Variants in LHFPL3 observed in about 807,000 individuals in gnomAD.
The protein encoded by LHFPL3 is LHFPL tetraspan subfamily member 3 protein.
A neutral mutation model predicts 19.3 loss-of-function variants in LHFPL3; 5 were observed. That is an observed-to-expected ratio of 0.26 (90% CI 0.14 to 0.54). The LOEUF is 0.54. Among genes scored for constraint, LHFPL3 ranks in the 20% least tolerant of loss-of-function variants. LHFPL3 has a pLI of 0.94. For missense variants in LHFPL3, 249 were observed against 307.4 expected (o/e 0.81, Z 1.42); for synonymous variants, 133 against 126.2 (o/e 1.05, Z -0.36).
chr7:104,513,063 G>GA (rs1793851566), intron 1 of LHFPL3, among the ~76,000 whole-genome samples: 3 of 152,126 alleles, frequency 2.0e-5, no homozygotes, highest in African/African-American at 7.2e-5. Context: ...ATTCCCACAA[G>GA]ATGATAAAAA....
intron 1 of LHFPL3, among the ~76,000 whole-genome samples, chr7:104,366,912 A>C (rs967925394): frequency 6.6e-6 from 1 of 152,218 alleles, no homozygotes; most frequent in Non-Finnish European, 1.5e-5. Flanking sequence ...AAAATAAATC[A>C]AACAGCCAGC....
At chr7:104,696,631 A>G in intron 1 of LHFPL3, among the ~76,000 whole-genome samples, 1 of 152,178 alleles carries the variant, frequency 6.6e-6, no homozygotes, top group East Asian at 1.9e-4. Flanking sequence ...CCATTACTAA[A>G]GAAGAGAACC....
rs1283970835 is a variant in LHFPL3, at chr7:104,845,527, C to T, written c.683-60660C>T. 8 of 1,415,784 alleles carry T rather than the reference C, an allele frequency of 5.7e-6. No individual in the cohort carries two copies. The East Asian group carries it at 2.1e-4, about 37-fold the overall frequency. The allele number at this position is 1,415,784 out of a possible 1,614,324, so 87.7% of individuals were successfully genotyped here. On this transcript the variant is annotated intron_variant, in intron 2 of 2. Transcript: ENST00000424859. ...TCCGCTGTTTTCTGATTCCCGCTTT[C>T]AGCGCTTAGCACTTGAGCCGCATGA...
chr7:104,814,234 T>C (rs758439382), intron 2 of LHFPL3, among the ~76,000 whole-genome samples: 1 of 152,106 alleles, frequency 6.6e-6, no homozygotes, highest in Non-Finnish European at 1.5e-5. Context: ...AGCTCCTCTC[T>C]GCAGCTGGTT....
intron 2 of LHFPL3, among the ~76,000 whole-genome samples, chr7:104,879,051 G>C (rs1162105848): frequency 1.3e-5 from 2 of 152,194 alleles, no homozygotes; most frequent in Non-Finnish European, 1.5e-5. Flanking sequence ...GGAAGTTGTA[G>C]AAGGAAAGTT....
chr7:104,762,080 C>T (rs771925733), intron 2 of LHFPL3, among the ~76,000 whole-genome samples: 25 of 152,244 alleles, frequency 1.6e-4, no homozygotes, highest in Admixed American at 1.0e-3. Context: ...AAGCTCCCAG[C>T]GATGCCAGTG....
intron 1 of LHFPL3, among the ~76,000 whole-genome samples, chr7:104,455,283 G>A (rs1792517871): frequency 1.3e-5 from 2 of 152,272 alleles, no homozygotes; most frequent in South Asian, 4.2e-4. Flanking sequence ...GGTCTACAAC[G>A]TGCAAATTAG....
intron 2 of LHFPL3, among the ~76,000 whole-genome samples, chr7:104,858,960 TA>T (rs34510317): frequency 0.64 from 95,157 of 149,362 alleles, 30,518 homozygotes; most frequent in African/African-American, 0.73. Context: ...AAATTTTATT[TA>T]AAAAAAAAAA....
intron 1 of LHFPL3, among the ~76,000 whole-genome samples, chr7:104,716,348 A>G (rs1225747129): frequency 3.3e-5 from 5 of 152,150 alleles, no homozygotes; most frequent in Non-Finnish European, 4.4e-5. Flanking sequence ...TCTCCAAAAA[A>G]AAAAAGCCAT....
intron 1 of LHFPL3, among the ~76,000 whole-genome samples, chr7:104,395,046 G>T (rs1343258294): frequency 6.6e-6 from 1 of 151,842 alleles, no homozygotes; most frequent in Non-Finnish European, 1.5e-5. Context: ...GCTGTAACTT[G>T]TTCTTGCCCA....
chr7:104,741,372 C>T (rs1793933298), intron 2 of LHFPL3, among the ~76,000 whole-genome samples: 1 of 146,442 alleles, frequency 6.8e-6, no homozygotes, highest in Non-Finnish European at 1.5e-5. Flanking sequence ...AGTTTGAAGA[C>T]ACAACTGTTG....
intron 1 of LHFPL3, among the ~76,000 whole-genome samples, chr7:104,360,236 C>T (rs944561613): frequency 1.3e-5 from 2 of 152,200 alleles, no homozygotes; most frequent in African/African-American, 4.8e-5. Flanking sequence ...CTCCTCTTCT[C>T]TCCAAAAACA....
At chr7:104,548,320 A>G (rs1396667917) in intron 1 of LHFPL3, among the ~76,000 whole-genome samples, 1 of 152,234 alleles carries the variant, frequency 6.6e-6, no homozygotes, top group Non-Finnish European at 1.5e-5. Context: ...AGAGAAAAAA[A>G]GTAACAAATG....
At chr7:104,805,863 G>A (rs1383005251) in intron 2 of LHFPL3, among the ~76,000 whole-genome samples, 2 of 152,176 alleles carry the variant, frequency 1.3e-5, no homozygotes, top group Non-Finnish European at 2.9e-5. Context: ...GATTTACTAG[G>A]TTAACCCTAG....
chr7:104,619,826 C>A (rs901135942), intron 1 of LHFPL3, among the ~76,000 whole-genome samples: 1 of 152,026 alleles, frequency 6.6e-6, no homozygotes, highest in Non-Finnish European at 1.5e-5. Flanking sequence ...TCGTGGAAGA[C>A]AATTTAAGAC....
intron 2 of LHFPL3, among the ~76,000 whole-genome samples, chr7:104,869,129 G>T (rs1421085917): frequency 6.6e-6 from 1 of 152,108 alleles, no homozygotes; most frequent in Non-Finnish European, 1.5e-5. Context: ...AACCCTAGAA[G>T]AAAACCCTAG....
At chr7:104,488,535 C>G (rs925728864) in intron 1 of LHFPL3, among the ~76,000 whole-genome samples, 3 of 152,142 alleles carry the variant, frequency 2.0e-5, no homozygotes, top group Non-Finnish European at 4.4e-5. Flanking sequence ...ATCTGTCTCT[C>G]TCTCTCTCTC....
At chr7:104,637,462 A>G (rs1389061687) in intron 1 of LHFPL3, among the ~76,000 whole-genome samples, 1 of 152,144 alleles carries the variant, frequency 6.6e-6, no homozygotes, top group Non-Finnish European at 1.5e-5. Flanking sequence ...GCCAGTTCCT[A>G]TGTCCAGAAT....
At chr7:104,482,114 C>G (rs1006150878) in intron 1 of LHFPL3, among the ~76,000 whole-genome samples, 1 of 152,214 alleles carries the variant, frequency 6.6e-6, no homozygotes, top group African/African-American at 2.4e-5. Context: ...AAAAGCCCCA[C>G]TCCTTTTCCT....
Sources: allele counts gnomAD v4.1 joint callset (sites outside exome capture counted in the v4.1 genomes callset), GRCh38; gene constraint gnomAD v4.1.1; transcripts MANE v1.5; gene names NCBI Gene and HGNC (gene_info 2026-07-23, HGNC 2026-07-21).